Variants in LRRC7 observed in about 807,000 individuals in gnomAD.
The protein encoded by LRRC7 is leucine-rich repeat-containing protein 7.
A neutral mutation model predicts 175.7 loss-of-function variants in LRRC7; 23 were observed. The ratio of observed to expected loss-of-function variants is 0.13; its 90% confidence interval spans 0.09 to 0.19. The LOEUF (loss-of-function observed/expected upper bound fraction) is 0.19. Ranked by LOEUF, LRRC7 falls within the 10% of genes least tolerant of loss-of-function variation. The probability of loss-of-function intolerance (pLI) is 1.00; values close to 1 mark genes in which losing one functional copy is unlikely to be tolerated. For synonymous variants in LRRC7, 685 were observed against 680.9 expected, an observed-to-expected ratio of 1.01 and a Z score of -0.09; for missense variants, 1,354 against 1,904.7, an observed-to-expected ratio of 0.71 and a Z score of 5.38.
intron 1 of LRRC7, among the ~76,000 whole-genome samples, chr1:69,649,689 G>T (rs1261595591): frequency 6.6e-6 from 1 of 152,134 alleles, no homozygotes; most frequent in African/African-American, 2.4e-5. Context: ...CTTCCTCCAT[G>T]CACATGCAAT....
chr1:69,865,642 A>G (rs889611767), intron 7 of LRRC7, among the ~76,000 whole-genome samples: 1 of 150,914 alleles, frequency 6.6e-6, no homozygotes, highest in African/African-American at 2.4e-5. Flanking sequence ...CACCATGCCC[A>G]ACTAATTTTT....
At chr1:69,682,508 C>T (rs1660615048) in intron 2 of LRRC7, among the ~76,000 whole-genome samples, 1 of 152,018 alleles carries the variant, frequency 6.6e-6, no homozygotes. Context: ...TACTGTTGAC[C>T]ATGTTGTCCT....
At chr1:70,078,800 G>GCACACA (rs1195352931) in intron 24 of LRRC7, among the ~76,000 whole-genome samples, 5 of 102,548 alleles carry the variant, frequency 4.9e-5, no homozygotes, top group African/African-American at 3.0e-4. Context: ...ATACGCGCGC[G>GCACACA]CGCGCGCGCG....
chr1:69,854,334 C>CA (rs896164619), intron 7 of LRRC7, among the ~76,000 whole-genome samples: 17 of 151,922 alleles, frequency 1.1e-4, no homozygotes, highest in African/African-American at 4.1e-4. Flanking sequence ...CCCATCTCTA[C>CA]AAAAAAATAA....
intron 1 of LRRC7, among the ~76,000 whole-genome samples, chr1:69,673,261 C>A (rs1438522385): frequency 6.6e-6 from 1 of 152,130 alleles, no homozygotes; most frequent in African/African-American, 2.4e-5. Flanking sequence ...GAGACTCTAG[C>A]CAAATTTGGG....
chr1:69,837,576 T>C (rs1265943775), intron 6 of LRRC7, among the ~76,000 whole-genome samples: 1 of 151,882 alleles, frequency 6.6e-6, no homozygotes. Context: ...TATGCTATAG[T>C]ATTTGCTTTT....
Position 70,125,791 on chromosome 1 carries a change from CAAAAA to C in LRRC7, c.*3921_*3925del, listed in dbSNP as rs577047180. On this transcript the variant is annotated 3_prime_UTR_variant, in exon 27 of 27. Transcript: ENST00000651989. ...TGGGCGACAGAGCGAGACTCCGTCTCAAAAAAAAAAAAAAAAAAAAAGAGAAGATT... is the reference window on the plus strand; with the variant it reads ...TGGGCGACAGAGCGAGACTCCGTCTCAAAAAAAAAAAAAAAAGAGAAGATT... 1.1e-5 allele frequency among the ~76,000 whole-genome samples: 1 copy of C among 87,258 alleles called. No individual in the cohort carries two copies. Among genetic ancestry groups the C allele is most frequent in the Non-Finnish European group, 2.2e-5 (1 of 45,516 alleles). 57.2% of individuals were successfully genotyped at this position (87,258 alleles called of 152,430 possible).
chr1:69,923,854 G>A (rs1460976607), intron 7 of LRRC7, among the ~76,000 whole-genome samples: 1 of 151,950 alleles, frequency 6.6e-6, no homozygotes, highest in Non-Finnish European at 1.5e-5. Flanking sequence ...TGCTTTTGGT[G>A]TTTTAGACAT....
At position 70,036,252 on chromosome 1, in the gene LRRC7, G is replaced by T; in HGVS notation, c.2107+20G>T. Reference sequence around the variant, plus strand: ...AAAAAGGTAACACTGTGAACCCAATGTGGAAAATATGCTACAAATGCATGT... The same window carrying T: ...AAAAAGGTAACACTGTGAACCCAATTTGGAAAATATGCTACAAATGCATGT... On this transcript the variant is annotated intron_variant, in intron 19 of 26. Coordinates refer to ENST00000651989, the MANE Select transcript of LRRC7 (RefSeq NM_001370785.2). 6.3e-7 allele frequency: 1 copy of T among 1,585,866 alleles called. No individual in the cohort carries two copies. The highest frequency in any genetic ancestry group is 8.6e-7 in the Non-Finnish European group (1 of 1,159,288).
intron 8 of LRRC7, among the ~76,000 whole-genome samples, chr1:69,972,679 A>G (rs1378153266): frequency 6.6e-6 from 1 of 152,090 alleles, no homozygotes; most frequent in Non-Finnish European, 1.5e-5. Flanking sequence ...GGGAATGTAA[A>G]CCAGTACAAC....
intron 22 of LRRC7, among the ~76,000 whole-genome samples, chr1:70,049,650 A>G (rs1348065400): frequency 1.3e-5 from 2 of 152,134 alleles, no homozygotes; most frequent in Non-Finnish European, 1.5e-5. Flanking sequence ...GAATTTCGTT[A>G]TAATGGAATT....
At chr1:69,727,991 G>T (rs1250129834) in intron 2 of LRRC7, among the ~76,000 whole-genome samples, 3 of 152,134 alleles carry the variant, frequency 2.0e-5, no homozygotes, top group Non-Finnish European at 2.9e-5. Flanking sequence ...TTATCACCCT[G>T]TGTCTTTCCA....
intron 1 of LRRC7, among the ~76,000 whole-genome samples, chr1:69,590,526 C>T (rs990760803): frequency 6.6e-5 from 10 of 152,142 alleles, no homozygotes; most frequent in African/African-American, 2.2e-4. Context: ...ACCTACTGTA[C>T]TCCAAAAATG....
chr1:69,654,148 T>C (rs1656263273), intron 1 of LRRC7, among the ~76,000 whole-genome samples: 1 of 151,512 alleles, frequency 6.6e-6, no homozygotes, highest in South Asian at 2.1e-4. Flanking sequence ...GCAAAAGCAC[T>C]ATAGGACTAG....
chr1:69,907,322 C>A (rs927445521), intron 7 of LRRC7, among the ~76,000 whole-genome samples: 1 of 152,172 alleles, frequency 6.6e-6, no homozygotes, highest in Non-Finnish European at 1.5e-5. Flanking sequence ...TGAGAGAGGG[C>A]ATACCTGTCT....
At chr1:69,945,587 G>T (rs1245306468) in intron 8 of LRRC7, among the ~76,000 whole-genome samples, 1 of 152,044 alleles carries the variant, frequency 6.6e-6, no homozygotes, top group African/African-American at 2.4e-5. Context: ...AGATCACTTT[G>T]GGTAGTATGG....
At chr1:69,718,973 TATCA>T (rs1666059382) in intron 2 of LRRC7, among the ~76,000 whole-genome samples, 1 of 151,858 alleles carries the variant, frequency 6.6e-6, no homozygotes, top group Non-Finnish European at 1.5e-5. Flanking sequence ...CTCTTTCCTA[TATCA>T]ATCCCAATGA....
chr1:69,700,411 G>C (rs1297950937), intron 2 of LRRC7, among the ~76,000 whole-genome samples: 1 of 152,116 alleles, frequency 6.6e-6, no homozygotes, highest in African/African-American at 2.4e-5. Flanking sequence ...TTCATATATT[G>C]ATCTGGCTTT....
intron 1 of LRRC7, chr1:69,608,176 G>C (rs1233408228): frequency 6.6e-6 from 1 of 152,284 alleles, no homozygotes; most frequent in Non-Finnish European, 1.5e-5. Flanking sequence ...AAGTGTCGGT[G>C]ATTATTTAGC....
Sources: allele counts gnomAD v4.1 joint callset (sites outside exome capture counted in the v4.1 genomes callset), GRCh38; gene constraint gnomAD v4.1.1; transcripts MANE v1.5; gene names NCBI Gene and HGNC (gene_info 2026-07-23, HGNC 2026-07-21).